Variants in TRHDE observed in about 807,000 individuals in gnomAD.
The protein encoded by TRHDE is thyrotropin releasing hormone degrading enzyme, also known as thyrotropin-releasing hormone-degrading ectoenzyme.
Under a neutral mutation model 125.7 loss-of-function variants are expected in TRHDE, and 72 were observed. That is an observed-to-expected ratio of 0.57 (90% CI 0.47 to 0.70). The LOEUF (loss-of-function observed/expected upper bound fraction) is 0.70, where lower values mean the gene tolerates loss of function less well. Ranked by LOEUF, TRHDE falls within the 30% of genes least tolerant of loss-of-function variation. TRHDE has a pLI of 0.00. For missense variants in TRHDE, 1,110 were observed against 1,327.1 expected, an observed-to-expected ratio of 0.84 and a Z score of 2.54; for synonymous variants, 509 against 509.1, an observed-to-expected ratio of 1.00 and a Z score of 0.00.
intron 6 of TRHDE, among the ~76,000 whole-genome samples, chr12:72,505,848 T>G (rs1264978872): frequency 6.6e-6 from 1 of 152,162 alleles, no homozygotes; most frequent in African/African-American, 2.4e-5. Context: ...GAAAGGCCAA[T>G]CATCCATTTG....
At chr12:72,221,863 C>G (rs1471133250) in intron 2 of TRHDE, among the ~76,000 whole-genome samples, 1 of 151,978 alleles carries the variant, frequency 6.6e-6, no homozygotes, top group East Asian at 1.9e-4. Flanking sequence ...TGAGAAAGGC[C>G]CATATGATTG....
At chr12:72,611,578 T>C (rs1056294571) in intron 12 of TRHDE, among the ~76,000 whole-genome samples, 1 of 152,138 alleles carries the variant, frequency 6.6e-6, no homozygotes, top group African/African-American at 2.4e-5. Context: ...AGCTCCTTCA[T>C]TTCATGAACC....
At chr12:72,476,447 G>T (rs1372834259) in intron 5 of TRHDE, among the ~76,000 whole-genome samples, 1 of 152,152 alleles carries the variant, frequency 6.6e-6, no homozygotes, top group African/African-American at 2.4e-5. Context: ...TTTCATAATG[G>T]CATCAGCAAA....
rs1876663106 is a variant in TRHDE at position 72,162,790 on chromosome 12, ATT to A, written n.279+57039_279+57040del. 2.0e-5 allele frequency among the ~76,000 whole-genome samples: 3 copies of A among 152,308 alleles called. No homozygotes were observed. In the South Asian group the frequency reaches 6.2e-4, roughly 32 times the overall value. On this transcript the variant is annotated intron_variant and non_coding_transcript_variant, in intron 2 of 4. Transcript: ENST00000548156. ...TGGCACTGAGTGAGCAATTACTTAA[ATT>A]ATCACTTCTGGTTATCTGAAATGCT...
At chr12:72,367,063 G>A (rs922925853) in intron 2 of TRHDE, among the ~76,000 whole-genome samples, 1 of 152,012 alleles carries the variant, frequency 6.6e-6, no homozygotes, top group Non-Finnish European at 1.5e-5. Flanking sequence ...ATATCATCAT[G>A]TGCCTCCTTC....
chr12:72,576,999 A>C (rs199974887), intron 12 of TRHDE, among the ~76,000 whole-genome samples: 2,333 of 152,298 alleles, frequency 0.015, 57 homozygotes, highest in African/African-American at 0.053. Flanking sequence ...GGCCTGCTGA[A>C]TCATGTGTGG....
chr12:72,246,331 A>G (rs555720513), intron 2 of TRHDE, among the ~76,000 whole-genome samples: 1 of 152,246 alleles, frequency 6.6e-6, no homozygotes, highest in South Asian at 2.1e-4. Flanking sequence ...CTGACTTCTG[A>G]TGCATTATTC....
Position 72,523,153 on chromosome 12 carries a change from C to A in TRHDE, c.1723-19138C>A, listed in dbSNP as rs563943974. On this transcript the variant is annotated intron_variant, in intron 6 of 18. Transcript: ENST00000261180. ...TCGCAAGTAAAATAGAACACCGTTT[C>A]TTTTTCCTGAAGAATAAGGATATAA... Among the ~76,000 whole-genome samples the A allele has an allele frequency of 9.9e-5, 15 of 151,994 alleles. 1 individual carries two copies. The East Asian group carries it at 2.5e-3, about 25-fold the overall frequency.
At chr12:72,519,009 A>G (rs1370138429) in intron 6 of TRHDE, among the ~76,000 whole-genome samples, 1 of 152,180 alleles carries the variant, frequency 6.6e-6, no homozygotes, top group Non-Finnish European at 1.5e-5. Context: ...TTCTGCCGAG[A>G]GATCTGCTGT....
chr12:72,310,313 T>A (rs569701398), intron 2 of TRHDE, among the ~76,000 whole-genome samples: 10 of 152,224 alleles, frequency 6.6e-5, no homozygotes, highest in Non-Finnish European at 1.5e-4. Flanking sequence ...TATAAGTCGG[T>A]AAACCTGAAT....
At chr12:72,527,442 G>T (rs567861782) in intron 6 of TRHDE, among the ~76,000 whole-genome samples, 2 of 152,008 alleles carry the variant, frequency 1.3e-5, no homozygotes, top group African/African-American at 4.8e-5. Context: ...CATGGAGAAC[G>T]TATACAAAAA....
intron 2 of TRHDE, chr12:72,186,365 C>G (rs1877213491): frequency 6.5e-6 from 1 of 154,730 alleles, no homozygotes; most frequent in Non-Finnish European, 1.4e-5. Context: ...CCAGGAGGAA[C>G]GAACAACTCC....
intron 1 of TRHDE, among the ~76,000 whole-genome samples, chr12:72,091,924 G>T (rs1251707481): frequency 1.3e-5 from 2 of 152,180 alleles, no homozygotes; most frequent in Non-Finnish European, 2.9e-5. Context: ...GGCTGCCTTT[G>T]CTCACTAGAA....
At chr12:72,405,380 G>T (rs1174078740) in intron 3 of TRHDE, among the ~76,000 whole-genome samples, 3 of 152,114 alleles carry the variant, frequency 2.0e-5, no homozygotes, top group African/African-American at 7.2e-5. Context: ...CTATGTTTAT[G>T]ATGTCTTCAC....
intron 2 of TRHDE, among the ~76,000 whole-genome samples, chr12:72,114,236 T>C (rs937127733): frequency 6.6e-6 from 1 of 151,402 alleles, no homozygotes; most frequent in African/African-American, 2.4e-5. Flanking sequence ...CACGGGCACC[T>C]CAAGAGCATT....
chr12:72,214,661 A>G (rs1877848157), intron 2 of TRHDE, among the ~76,000 whole-genome samples: 2 of 152,198 alleles, frequency 1.3e-5, no homozygotes, highest in African/African-American at 4.8e-5. Flanking sequence ...AACAATAAAA[A>G]CAAACAAACA....
chr12:72,519,175 G>T (rs1429571950), intron 6 of TRHDE, among the ~76,000 whole-genome samples: 2 of 152,064 alleles, frequency 1.3e-5, no homozygotes, highest in Non-Finnish European at 2.9e-5. Flanking sequence ...TGTATTTCCT[G>T]AATCTGAATG....
At chr12:72,446,376 AAGAACCAGTACC>A (rs1251421894) in intron 3 of TRHDE, among the ~76,000 whole-genome samples, 2 of 151,992 alleles carry the variant, frequency 1.3e-5, no homozygotes, top group African/African-American at 4.8e-5. Flanking sequence ...CACGGAAAGG[AAGAACCAGTACC>A]AGCCACTGCA....
intron 2 of TRHDE, among the ~76,000 whole-genome samples, chr12:72,229,568 T>A (rs1338343697): frequency 6.6e-6 from 1 of 152,098 alleles, no homozygotes; most frequent in East Asian, 1.9e-4. Flanking sequence ...ACAGAACAGA[T>A]CATGTCAGAC....
Sources: gnomAD v4.1 joint callset for allele counts (sites outside exome capture counted in the v4.1 genomes callset) on GRCh38, gnomAD v4.1.1 for gene constraint, MANE v1.5 for transcripts, NCBI Gene and HGNC (gene_info 2026-07-23, HGNC 2026-07-21) for gene names.